SUPT5H: variants seen among roughly 807,000 people sequenced by gnomAD.
SUPT5H encodes SPT5 homolog, DSIF elongation factor subunit, also known as transcription elongation factor SPT5.
Under a neutral mutation model 142.5 loss-of-function variants are expected in SUPT5H, and 24 were observed. That is an observed-to-expected ratio of 0.17 (90% CI 0.12 to 0.24). SUPT5H has a LOEUF of 0.24. SUPT5H is among the 10% of genes least tolerant of loss of function. SUPT5H has a pLI of 1.00. For synonymous variants in SUPT5H, 546 were observed against 553.0 expected, an observed-to-expected ratio of 0.99 and a Z score of 0.18; for missense variants, 893 against 1,471.8, an observed-to-expected ratio of 0.61 and a Z score of 6.43.
At chr19:39,460,060 A>C in intron 10 of SUPT5H, 100 bp downstream of exon 10, 2 of 1,250,578 alleles carry the variant, frequency 1.6e-6, no homozygotes, top group East Asian at 2.3e-5. Flanking sequence ...TGTTGTGAGC[A>C]GAGCTGCCTG....
intron 10 of SUPT5H, among the ~76,000 whole-genome samples, chr19:39,463,730 C>A (rs1183346258): frequency 1.3e-5 from 2 of 152,146 alleles, no homozygotes; most frequent in Admixed American, 1.3e-4. Context: ...CTAGCTCTAT[C>A]CATGATTGAA....
At chr19:39,463,098 TC>T (rs2079187447) in intron 10 of SUPT5H, among the ~76,000 whole-genome samples, 1 of 148,938 alleles carries the variant, frequency 6.7e-6, no homozygotes, top group Admixed American at 6.7e-5. Flanking sequence ...CCTCAGATGA[TC>T]CACCCCTCAG....
chr19:39,451,187 CTTTT>C (rs36028459), intron 2 of SUPT5H, among the ~76,000 whole-genome samples: 1 of 111,706 alleles, frequency 9.0e-6, no homozygotes, highest in Non-Finnish European at 1.7e-5. Flanking sequence ...TGAGCATGAC[CTTTT>C]TTTTTTTTTT....
chr19:39,474,564 C>G lies in SUPT5H; in HGVS notation c.2870C>G (p.Ala957Gly). The G allele has an allele frequency of 6.2e-7, 1 of 1,614,250 alleles. No individual in the cohort carries two copies. Among genetic ancestry groups the G allele is most frequent in the Non-Finnish European group, 8.5e-7 (1 of 1,180,044 alleles). Residue 957 changes from alanine to glycine, a missense_variant, in exon 28 of 30, where the codon GCT becomes GGT. Coordinates refer to ENST00000432763, the MANE Select transcript of SUPT5H (RefSeq NM_001111020.3). This position sits in a 1 kb window ranked among gnomAD's most constrained non-coding sequence, Gnocchi z 6.5. The stretch of plus-strand genomic sequence containing the variant: ...GGCTACAGTCCTATGACACCTGGAG[C>G]TCCCTCCCCTGGTGGCTACAACCCA... ...PVGYSPMTPG[A>G]PSPGGYNPHT...
Position 39,445,638 on chromosome 19 carries a change from G to T in SUPT5H, c.-88+1G>T, listed in dbSNP as rs1367799764. On this transcript the variant is annotated splice_donor_variant, in intron 1 of 29. Transcript: ENST00000432763. LOFTEE classifies it low-confidence loss of function (5UTR_SPLICE). ...CGAAGGCGGAGGTGGAGCCCGAGAG[G>T]TAAGTGCGTGTGCAGAGGTGGCAGT... The T allele has an allele frequency of 7.7e-6, 4 of 519,986 alleles. No individual in the cohort carries two copies. The highest frequency in any genetic ancestry group is 3.1e-5 in the Admixed American group (1 of 32,116). 32.2% of individuals were successfully genotyped at this position (519,986 alleles called of 1,614,324 possible).
At position 39,466,826 on chromosome 19, in the gene SUPT5H, G is replaced by C; in HGVS notation, c.1037+81G>C. 1 of 1,415,494 alleles carries C rather than the reference G, an allele frequency of 7.1e-7. No homozygotes were observed. The highest frequency in any genetic ancestry group is 1.0e-6 in the Non-Finnish European group (1 of 1,001,040). 87.7% of individuals were successfully genotyped at this position (1,415,494 alleles called of 1,614,324 possible). ...TGCCTTTTGCAGGTTCCTCCCCAGG[G>C]GTGGCCCCGCCACAGGTTTAGCCTG... On this transcript the variant is annotated intron_variant, in intron 13 of 29. Transcript: ENST00000432763. This position sits in a 1 kb window ranked among gnomAD's most constrained non-coding sequence, Gnocchi z 4.3.
intron 10 of SUPT5H, among the ~76,000 whole-genome samples, chr19:39,462,732 T>A (rs2079179202): frequency 6.6e-6 from 1 of 151,690 alleles, no homozygotes; most frequent in African/African-American, 2.4e-5. Flanking sequence ...GGTTTCAGCA[T>A]GTTGGCCAGG....
At chr19:39,457,026 A>G (rs1027777134) in intron 3 of SUPT5H, among the ~76,000 whole-genome samples, 4 of 152,206 alleles carry the variant, frequency 2.6e-5, no homozygotes, top group Admixed American at 2.6e-4. Flanking sequence ...TGCATGTATT[A>G]CGTTTTTAGT....
intron 18 of SUPT5H, 125 bp from the exon 19 acceptor site, chr19:39,471,232 T>G: frequency 3.5e-4 from 408 of 1,162,946 alleles, no homozygotes; most frequent in Non-Finnish European, 4.6e-4. Flanking sequence ...GCCAGGGAAT[T>G]GAGATGCCTT....
In SUPT5H at chr19:39,458,310, G is replaced by T. The variant is rs1168610484; in HGVS notation, c.319+5G>T. Reference sequence around the variant, plus strand: ...TCCAAGTAGAAGAGATTGAAGGTAAGAATATGAAAAGTGTGATTCCCTGAC... The same window carrying T: ...TCCAAGTAGAAGAGATTGAAGGTAATAATATGAAAAGTGTGATTCCCTGAC... On this transcript the variant is annotated splice_donor_5th_base_variant and intron_variant, in intron 5 of 29. Coordinates refer to ENST00000432763, the MANE Select transcript of SUPT5H (RefSeq NM_001111020.3). The surrounding 1 kb of genome is among the most constrained non-coding windows in gnomAD (Gnocchi z 4.2). The T allele has an allele frequency of 5.0e-6, 7 of 1,407,650 alleles. No individual in the cohort carries two copies. Among genetic ancestry groups the T allele is most frequent in the Non-Finnish European group, 6.7e-6 (7 of 1,049,130 alleles). 87.2% of individuals were successfully genotyped at this position (1,407,650 alleles called of 1,614,324 possible). A position where few individuals can be genotyped will look rare whatever the true frequency, so the allele number is the denominator to read the frequency against.
chr19:39,462,002 C>T (rs898804570), intron 10 of SUPT5H, among the ~76,000 whole-genome samples: 1 of 151,046 alleles, frequency 6.6e-6, no homozygotes, highest in African/African-American at 2.4e-5. Context: ...GGTGTGGTCT[C>T]GGCTCACTGC....
intron 10 of SUPT5H, among the ~76,000 whole-genome samples, chr19:39,463,803 T>G (rs2079197479): frequency 6.6e-6 from 1 of 152,226 alleles, no homozygotes; most frequent in African/African-American, 2.4e-5. Flanking sequence ...TCATTTTCAT[T>G]AGTTTCTGCT....
In SUPT5H at chr19:39,473,103, G is replaced by A; in HGVS notation, c.2247G>A (p.Arg749=). Residue 749 remains arginine, a synonymous_variant, in exon 23 of 30, where the codon CGG becomes CGA. Coordinates refer to ENST00000432763, the MANE Select transcript of SUPT5H (RefSeq NM_001111020.3). This position sits in a 1 kb window ranked among gnomAD's most constrained non-coding sequence, Gnocchi z 5.8. ...AGACCATCTCTGTGGACCGTCAGCGGCTCACCACGGTGTACGGGCGGGGCC... is the reference window on the plus strand; with the variant it reads ...AGACCATCTCTGTGGACCGTCAGCGACTCACCACGGTGTACGGGCGGGGCC... ...TCQTISVDRQ[R]LTTVGSRRPG... The A allele has an allele frequency of 6.2e-7, 1 of 1,613,406 alleles. No homozygotes were observed. Among genetic ancestry groups the A allele is most frequent in the South Asian group, 1.1e-5 (1 of 91,088 alleles).
intron 3 of SUPT5H, among the ~76,000 whole-genome samples, chr19:39,457,197 G>C (rs893864267): frequency 6.6e-6 from 1 of 152,174 alleles, no homozygotes; most frequent in Non-Finnish European, 1.5e-5. Flanking sequence ...TAGGAACAAC[G>C]ATAGTGCCTC....
rs2146121302 is a variant in SUPT5H at position 39,470,582 on chromosome 19, C to T, written c.1677+59C>T. On this transcript the variant is annotated intron_variant, in intron 18 of 29. Coordinates refer to ENST00000432763, the MANE Select transcript of SUPT5H (RefSeq NM_001111020.3). This position sits in a 1 kb window ranked among gnomAD's most constrained non-coding sequence, Gnocchi z 5.8. ...TTTTAGGAGGCTTCCTGTCCCTCAA[C>T]CCCTCATCCTGGGAGGTGGCAGAGC... 2.1e-6 allele frequency: 3 copies of T among 1,456,992 alleles called. No individual in the cohort carries two copies. The South Asian group carries it at 4.6e-5, about 22-fold the overall frequency. 90.3% of individuals were successfully genotyped at this position (1,456,992 alleles called of 1,614,324 possible).
At chr19:39,462,987 C>T (rs2146104034) in intron 10 of SUPT5H, among the ~76,000 whole-genome samples, 1 of 150,192 alleles carries the variant, frequency 6.7e-6, no homozygotes, top group East Asian at 1.9e-4. Context: ...TTACAGGCAC[C>T]CACCACCATG....
chr19:39,465,758 C>T (rs973910563), intron 11 of SUPT5H, among the ~76,000 whole-genome samples: 12 of 152,164 alleles, frequency 7.9e-5, no homozygotes, highest in Non-Finnish European at 1.2e-4. Flanking sequence ...TGGGCAAGAG[C>T]GTGGAGACCA....
intron 3 of SUPT5H, among the ~76,000 whole-genome samples, chr19:39,453,800 C>T (rs1022010154): frequency 5.3e-5 from 8 of 152,142 alleles, no homozygotes; most frequent in African/African-American, 1.7e-4. Flanking sequence ...CTCCTGACCT[C>T]GTGATCTGCC....
Position 39,459,077 on chromosome 19 carries a change from A to G in SUPT5H, c.458+4A>G. 6.2e-7 allele frequency: 1 copy of G among 1,613,374 alleles called. No individual in the cohort carries two copies. The highest frequency in any genetic ancestry group is 8.5e-7 in the Non-Finnish European group (1 of 1,179,760). ...CCAAGTCATCTGTGGGAGAGACGTA[A>G]GGGCATGGTGGGGGCAGGTGGGGGC... On this transcript the variant is annotated splice_donor_region_variant and intron_variant, in intron 7 of 29. Coordinates refer to ENST00000432763, the MANE Select transcript of SUPT5H (RefSeq NM_001111020.3).
Sources: allele counts gnomAD v4.1 joint callset (sites outside exome capture counted in the v4.1 genomes callset), GRCh38; gene constraint gnomAD v4.1.1; non-coding constraint Gnocchi (gnomAD v3.1); transcripts MANE v1.5; gene names NCBI Gene and HGNC (gene_info 2026-07-23, HGNC 2026-07-21).